Variants in RAB38 observed in about 807,000 individuals in gnomAD.
RAB38 encodes the protein RAB38, member RAS oncogene family.
RAB38 carries 15 observed loss-of-function variants against 18.4 expected under a neutral mutation model. The observed-to-expected ratio is 0.82, with a 90% CI of 0.55 to 1.26. RAB38 has a LOEUF of 1.26. RAB38 is among the 50% of genes most tolerant of loss of function. The pLI is 0.00. For synonymous variants in RAB38, 101 were observed against 104.4 expected (o/e 0.97, Z 0.20); for missense variants, 294 against 267.4 (o/e 1.10, Z -0.69).
chr11:88,068,958 G>A, the RAB38 span, among the ~76,000 whole-genome samples: 1 of 152,242 alleles, frequency 6.6e-6, no homozygotes, highest in African/African-American at 2.4e-5. Flanking sequence ...CACGCTTGAG[G>A]AGCCCTTCAG....
the RAB38 span, among the ~76,000 whole-genome samples, chr11:88,070,206 C>A: frequency 2.0e-5 from 3 of 152,138 alleles, no homozygotes; most frequent in Non-Finnish European, 4.4e-5. Context: ...GACCACAAAC[C>A]CACTAGGAGG....
At chr11:88,085,263 G>A in the RAB38 span, among the ~76,000 whole-genome samples, 1 of 151,856 alleles carries the variant, frequency 6.6e-6, no homozygotes, top group Non-Finnish European at 1.5e-5. Context: ...TAACCCTTCT[G>A]GTCAAATCCA....
At chr11:87,866,584 C>G in the RAB38 span, among the ~76,000 whole-genome samples, 2 of 151,714 alleles carry the variant, frequency 1.3e-5, no homozygotes, top group South Asian at 4.1e-4. Flanking sequence ...ACAGAACTAC[C>G]TTTTACCAAA....
the RAB38 span, among the ~76,000 whole-genome samples, chr11:88,036,930 A>G: frequency 6.6e-6 from 1 of 152,072 alleles, no homozygotes; most frequent in Non-Finnish European, 1.5e-5. Flanking sequence ...ATCAATATTC[A>G]TAAGGAAACA....
intron 1 of RAB38, among the ~76,000 whole-genome samples, chr11:88,159,355 C>T (rs1404272497): frequency 6.7e-6 from 1 of 150,154 alleles, no homozygotes; most frequent in Non-Finnish European, 1.5e-5. Context: ...AAGAAAAAAA[C>T]ATTCCAAGCT....
the RAB38 span, among the ~76,000 whole-genome samples, chr11:88,084,202 TCAAA>T: frequency 6.6e-6 from 1 of 151,514 alleles, no homozygotes; most frequent in South Asian, 2.1e-4. Context: ...GAATATAGGG[TCAAA>T]CAGTTACCAG....
At chr11:88,150,953 G>A (rs1166092090) in intron 1 of RAB38, among the ~76,000 whole-genome samples, 1 of 152,148 alleles carries the variant, frequency 6.6e-6, no homozygotes, top group Non-Finnish European at 1.5e-5. Flanking sequence ...CAGTAAACTA[G>A]ATAGTCTCTA....
At chr11:88,075,004 T>C in the RAB38 span, among the ~76,000 whole-genome samples, 1 of 152,154 alleles carries the variant, frequency 6.6e-6, no homozygotes, top group Non-Finnish European at 1.5e-5. Flanking sequence ...AAAAAGGATA[T>C]ACCAATTGTA....
the RAB38 span, among the ~76,000 whole-genome samples, chr11:87,968,116 TACAG>T: frequency 6.6e-6 from 1 of 152,180 alleles, no homozygotes; most frequent in African/African-American, 2.4e-5. Flanking sequence ...TTTAGAAAAA[TACAG>T]AGAGATGTTA....
At chr11:87,807,403 G>C in the RAB38 span, among the ~76,000 whole-genome samples, 5 of 152,134 alleles carry the variant, frequency 3.3e-5, no homozygotes, top group Non-Finnish European at 7.4e-5. Context: ...ACCAGAGTTC[G>C]AAAGTTTGAC....
At chr11:88,053,134 A>G in the RAB38 span, among the ~76,000 whole-genome samples, 1 of 131,960 alleles carries the variant, frequency 7.6e-6, no homozygotes, top group Non-Finnish European at 1.6e-5. Flanking sequence ...TATATTATAT[A>G]TACAATATAT....
At chr11:87,969,790 A>G in the RAB38 span, among the ~76,000 whole-genome samples, 1 of 152,154 alleles carries the variant, frequency 6.6e-6, no homozygotes, top group Non-Finnish European at 1.5e-5. Flanking sequence ...CCTAGCAAAA[A>G]GGTAACAGCT....
the RAB38 span, among the ~76,000 whole-genome samples, chr11:88,096,431 C>T: frequency 2.6e-5 from 4 of 151,856 alleles, no homozygotes; most frequent in African/African-American, 7.2e-5. Context: ...AAATAGCACC[C>T]CAACAATCAC....
chr11:88,042,253 G>C, the RAB38 span, among the ~76,000 whole-genome samples: 1 of 152,112 alleles, frequency 6.6e-6, no homozygotes, highest in Non-Finnish European at 1.5e-5. Context: ...CTCTGCATGG[G>C]AGATAGCCCC....
chr11:88,031,637 A>C, the RAB38 span, among the ~76,000 whole-genome samples: 4 of 151,700 alleles, frequency 2.6e-5, no homozygotes, highest in Admixed American at 2.0e-4. Flanking sequence ...CAATTGCTTC[A>C]AAGAGAATAA....
At chr11:88,052,957 GATAT>G in the RAB38 span, among the ~76,000 whole-genome samples, 1 of 47,264 alleles carries the variant, frequency 2.1e-5, no homozygotes, top group South Asian at 5.3e-4. Context: ...TTATATATAT[GATAT>G]ATATGATATA....
the RAB38 span, among the ~76,000 whole-genome samples, chr11:87,973,035 T>C: frequency 6.6e-6 from 1 of 151,990 alleles, no homozygotes; most frequent in African/African-American, 2.4e-5. Flanking sequence ...TCCACCATGA[T>C]TGTAAGTTTC....
chr11:88,029,987 C>G, the RAB38 span, among the ~76,000 whole-genome samples: 3 of 152,264 alleles, frequency 2.0e-5, no homozygotes, highest in Non-Finnish European at 4.4e-5. Flanking sequence ...AGGTAAAGCT[C>G]TCCTCAGCAA....
At chr11:88,156,570 C>T (rs974482269) in intron 1 of RAB38, among the ~76,000 whole-genome samples, 3 of 152,088 alleles carry the variant, frequency 2.0e-5, no homozygotes, top group Non-Finnish European at 4.4e-5. Flanking sequence ...AGTGTGGTGA[C>T]ACACACCTGT....
Sources: allele counts gnomAD v4.1 joint callset (sites outside exome capture counted in the v4.1 genomes callset), GRCh38; gene constraint gnomAD v4.1.1; transcripts MANE v1.5; gene names NCBI Gene and HGNC (gene_info 2026-07-23, HGNC 2026-07-21).